The following MCC variants were observed in gnomAD, a reference collection of about 807,000 sequenced individuals.
The protein encoded by MCC is MCC regulator of Wnt signaling pathway.
A neutral mutation model predicts 116.2 loss-of-function variants in MCC; 90 were observed. The ratio of observed to expected loss-of-function variants is 0.77; its 90% confidence interval spans 0.65 to 0.92. The LOEUF is 0.92. Among genes scored for constraint, MCC ranks in the 40% least tolerant of loss-of-function variants. The pLI, the probability that MCC is intolerant of heterozygous loss-of-function variation, is 0.00. For missense variants in MCC, 1,516 were observed against 1,312.2 expected, an observed-to-expected ratio of 1.16 and a Z score of -2.40; for synonymous variants, 578 against 510.5, an observed-to-expected ratio of 1.13 and a Z score of -1.78.
intron 2 of MCC, among the ~76,000 whole-genome samples, chr5:113,375,848 C>T (rs1010177708): frequency 4.6e-5 from 7 of 152,234 alleles, no homozygotes; most frequent in Non-Finnish European, 8.8e-5. Context: ...AACCACAAGG[C>T]CACCCTAGAT....
chr5:113,121,218 A>C (rs541686284), intron 6 of MCC, among the ~76,000 whole-genome samples: 8 of 152,296 alleles, frequency 5.3e-5, no homozygotes, highest in South Asian at 2.1e-4. Context: ...TCCCCAACTC[A>C]TTCTTCATCT....
intron 3 of MCC, among the ~76,000 whole-genome samples, chr5:113,209,798 T>A (rs1000817602): frequency 5.3e-5 from 8 of 152,148 alleles, no homozygotes; most frequent in African/African-American, 1.9e-4. Flanking sequence ...CGGGCTCCCA[T>A]TGCATTCATC....
chr5:113,205,599 G>C (rs9326880), intron 3 of MCC, among the ~76,000 whole-genome samples: 100,789 of 152,198 alleles, frequency 0.66, 36,038 homozygotes, highest in East Asian at 0.87. Flanking sequence ...TGCTATCAGA[G>C]GGCATGTTCT....
chr5:113,345,564 G>C (rs1768115463), intron 2 of MCC, among the ~76,000 whole-genome samples: 1 of 152,252 alleles, frequency 6.6e-6, no homozygotes, highest in Non-Finnish European at 1.5e-5. Flanking sequence ...TCTCAGCACA[G>C]GGAAAGAGAG....
chr5:113,163,714 T>C (rs563681028), intron 3 of MCC, among the ~76,000 whole-genome samples: 2 of 152,118 alleles, frequency 1.3e-5, no homozygotes, highest in Non-Finnish European at 2.9e-5. Flanking sequence ...AAAATACAGA[T>C]AAAGGAACAT....
intron 2 of MCC, among the ~76,000 whole-genome samples, chr5:113,344,048 T>C (rs930358691): frequency 3.9e-5 from 6 of 152,212 alleles, no homozygotes; most frequent in Admixed American, 6.5e-5. Flanking sequence ...AAAGACCGTC[T>C]TGAATCACCA....
Position 113,027,149 on chromosome 5 carries a change from A to G in MCC, c.*153T>C, listed in dbSNP as rs573969591. On this transcript the variant is annotated 3_prime_UTR_variant, in exon 19 of 19. Transcript: ENST00000408903. ...AATGTCACCATGGCCAGTCGCCCCAAGGGTTGAGTTGGGGCACTCCATTGT... is the reference window on the plus strand; with the variant it reads ...AATGTCACCATGGCCAGTCGCCCCAGGGGTTGAGTTGGGGCACTCCATTGT... 503 of 711,934 alleles carry G rather than the reference A, an allele frequency of 7.1e-4. 1 individual carries two copies. The highest frequency in any genetic ancestry group is 1.0e-3 in the Non-Finnish European group (457 of 435,828). The allele number at this position is 711,934 out of a possible 1,614,324, so 44.1% of individuals were successfully genotyped here. A position where few individuals can be genotyped will look rare whatever the true frequency, so the allele number is the denominator to read the frequency against.
At chr5:113,084,940 G>A (rs958586515) in intron 9 of MCC, among the ~76,000 whole-genome samples, 2 of 152,234 alleles carry the variant, frequency 1.3e-5, no homozygotes, top group African/African-American at 4.8e-5. Context: ...CCAGCTGGCT[G>A]ATTAATGAGA....
In MCC at chr5:113,338,918, T is replaced by C. The variant is rs952152795; in HGVS notation, c.627+1601A>G. ...TTACAGATTTTATGAGACATTATCATACCCTAGCAGTGACTGTGCATGTTT... is the reference window on the plus strand; with the variant it reads ...TTACAGATTTTATGAGACATTATCACACCCTAGCAGTGACTGTGCATGTTT... On this transcript the variant is annotated intron_variant, in intron 3 of 18. Coordinates refer to ENST00000408903, the MANE Select transcript of MCC (RefSeq NM_001085377.2). 2.0e-5 allele frequency among the ~76,000 whole-genome samples: 3 copies of C among 152,334 alleles called. No homozygotes were observed. The South Asian group carries it at 6.2e-4, about 32-fold the overall frequency.
chr5:113,107,946 A>C (rs1756844416), intron 6 of MCC, among the ~76,000 whole-genome samples: 1 of 152,158 alleles, frequency 6.6e-6, no homozygotes, highest in Non-Finnish European at 1.5e-5. Context: ...CTCAGGCCAG[A>C]GCAGAGTGCA....
intron 1 of MCC, among the ~76,000 whole-genome samples, chr5:113,386,663 C>T (rs932094936): frequency 2.0e-5 from 3 of 151,882 alleles, no homozygotes; most frequent in Admixed American, 6.6e-5. Flanking sequence ...CTTCCATATG[C>T]TATCCCATTT....
intron 12 of MCC, among the ~76,000 whole-genome samples, chr5:113,069,336 C>T (rs760331412): frequency 6.6e-6 from 1 of 152,240 alleles, no homozygotes; most frequent in Non-Finnish European, 1.5e-5. Context: ...GCCCAACATT[C>T]ATTGGGCAAA....
chr5:113,471,417 G>C (rs976312461), intron 1 of MCC, among the ~76,000 whole-genome samples: 7 of 152,146 alleles, frequency 4.6e-5, no homozygotes, highest in Non-Finnish European at 8.8e-5. Context: ...CAGGTCTGTT[G>C]GAGTTTTCTA....
chr5:113,206,138 C>A (rs1762901552), intron 3 of MCC, among the ~76,000 whole-genome samples: 1 of 152,188 alleles, frequency 6.6e-6, no homozygotes, highest in Admixed American at 6.5e-5. Context: ...ACTCCCAACA[C>A]CTCATTTTAC....
intron 14 of MCC, among the ~76,000 whole-genome samples, chr5:113,056,578 A>G (rs1752848251): frequency 6.6e-6 from 1 of 152,224 alleles, no homozygotes; most frequent in African/African-American, 2.4e-5. Flanking sequence ...ACTTGAGGGT[A>G]CAGAATAGCA....
chr5:113,035,349 A>C (rs1751260451), intron 17 of MCC, among the ~76,000 whole-genome samples: 1 of 152,118 alleles, frequency 6.6e-6, no homozygotes, highest in Non-Finnish European at 1.5e-5. Flanking sequence ...AGTGGTCATC[A>C]CTTCTCACCC....
At chr5:113,391,039 T>C (rs1769387859) in intron 1 of MCC, among the ~76,000 whole-genome samples, 2 of 152,224 alleles carry the variant, frequency 1.3e-5, no homozygotes, top group Admixed American at 6.5e-5. Flanking sequence ...AATTTCTGTG[T>C]ACAGCTGTTG....
chr5:113,142,138 T>A (rs1759215346), intron 5 of MCC, among the ~76,000 whole-genome samples: 2 of 147,112 alleles, frequency 1.4e-5, no homozygotes, highest in Admixed American at 6.6e-5. Context: ...TGCCCATTAG[T>A]AGCCTCATCA....
At chr5:113,064,344 G>A (rs913287557) in intron 13 of MCC, among the ~76,000 whole-genome samples, 177 bp from the exon 14 acceptor site, 1 of 152,222 alleles carries the variant, frequency 6.6e-6, no homozygotes, top group African/African-American at 2.4e-5. Context: ...TCACTTAGAC[G>A]CTACATGTGG....
Sources: allele counts gnomAD v4.1 joint callset (sites outside exome capture counted in the v4.1 genomes callset), GRCh38; gene constraint gnomAD v4.1.1; transcripts MANE v1.5; gene names NCBI Gene and HGNC (gene_info 2026-07-23, HGNC 2026-07-21).